The following RANGAP1 variants were observed in gnomAD, a reference collection of about 807,000 sequenced individuals.
RANGAP1 encodes the protein ran GTPase-activating protein 1.
In RANGAP1, 38 loss-of-function variants were observed where a neutral mutation model predicts 63.5. That is an observed-to-expected ratio of 0.60 (90% CI 0.46 to 0.78). The LOEUF is 0.78. Among genes scored for constraint, RANGAP1 ranks in the 30% least tolerant of loss-of-function variants. The pLI is 0.00. For synonymous variants in RANGAP1, 329 were observed against 310.5 expected (o/e 1.06, Z -0.63); for missense variants, 630 against 740.3 (o/e 0.85, Z 1.73).
chr22:41,246,603 C>A lies in RANGAP1; in HGVS notation c.1764G>T (p.Ter588TyrextTer70). The change falls in exon 16 of 16, where the codon TAG becomes TAT. Residue 588 changes from the stop codon to tyrosine (Y), a stop_lost. Transcript: ENST00000356244. ...CCAAGGGATGGGAGAGGCTTTGAGT[C>A]TAGACCTTGTACAGCGTCTGCAGCA... The part of the protein sequence containing the change: ...HSLLQTLYKV[*>Y] 6.4e-7 allele frequency: 1 copy of A among 1,568,258 alleles called. No homozygotes were observed. Among genetic ancestry groups the A allele is most frequent in the Non-Finnish European group, 8.7e-7 (1 of 1,153,478 alleles).
chr22:41,269,254 G>T (rs2034656219), intron 3 of RANGAP1, among the ~76,000 whole-genome samples: 1 of 152,056 alleles, frequency 6.6e-6, no homozygotes. Context: ...ATGATTCAAA[G>T]AAAGTATTAG....
chr22:41,269,487 C>A lies in RANGAP1; in HGVS notation c.241-1331G>T, dbSNP rs1003487492. On this transcript the variant is annotated intron_variant, in intron 3 of 15. Coordinates refer to ENST00000356244, the MANE Select transcript of RANGAP1 (RefSeq NM_002883.4). ...TGGTGGCTCACACCTGTAATCCCAG[C>A]ACCTTGGGAGGCGGAGACAGGCAGA... is the stretch of plus-strand genomic sequence containing the variant. 4.6e-5 allele frequency among the ~76,000 whole-genome samples: 7 copies of A among 152,200 alleles called. No homozygotes were observed. The South Asian group carries it at 1.0e-3, about 23-fold the overall frequency.
Position 41,264,858 on chromosome 22 carries a change from A to C in RANGAP1, c.301-15T>G. 6.3e-7 allele frequency: 1 copy of C among 1,586,544 alleles called. No individual in the cohort carries two copies. Among genetic ancestry groups the C allele is most frequent in the Non-Finnish European group, 8.6e-7 (1 of 1,158,212 alleles). On this transcript the variant is annotated splice_polypyrimidine_tract_variant and intron_variant, in intron 4 of 15. Transcript: ENST00000356244. ...CCTAGTGAGATCTGGGCACAGAGGA[A>C]GCTCGTGTCAGTTTCATAGACACCC...
At chr22:41,281,434 CAG>C (rs2035486013) in intron 1 of RANGAP1, 5 of 1,006,510 alleles carry the variant, frequency 5.0e-6, no homozygotes, top group Non-Finnish European at 5.9e-6. Context: ...CCAAAGGCTG[CAG>C]AGTCTGGCCC....
At chr22:41,299,820 C>T in the RANGAP1 span, among the ~76,000 whole-genome samples, 7 of 151,648 alleles carry the variant, frequency 4.6e-5, no homozygotes, top group Admixed American at 1.3e-4. Flanking sequence ...GGCATGATCC[C>T]GGCTCACTGC....
At chr22:41,247,063 CT>C (rs901593174) in intron 15 of RANGAP1, among the ~76,000 whole-genome samples, 14 of 149,282 alleles carry the variant, frequency 9.4e-5, no homozygotes, top group African/African-American at 2.0e-4. Flanking sequence ...TTTTCTTTTT[CT>C]TTTTTTTTTG....
At position 41,258,080 on chromosome 22, in the gene RANGAP1, G is replaced by A. The variant is rs777100066; in HGVS notation, c.642C>T (p.His214=). The A allele has an allele frequency of 3.7e-6, 6 of 1,612,192 alleles. No individual in the cohort carries two copies. The Admixed American group carries it at 8.3e-5, about 22-fold the overall frequency. ...GGTGGTTGATCCCATTCTGTGGCAT[G>A]TGGACCTCCTCCAGGGTCCCGATGA... The part of the protein sequence containing the change: ...FRVIGTLEEV[H]MPQNGINHPG... The change falls in exon 7 of 16, where the codon CAC becomes CAT. Residue 214 remains histidine (H), a synonymous_variant. Coordinates refer to ENST00000356244, the MANE Select transcript of RANGAP1 (RefSeq NM_002883.4).
At chr22:41,283,276 C>T (rs1183292604) in intron 1 of RANGAP1, among the ~76,000 whole-genome samples, 1 of 151,642 alleles carries the variant, frequency 6.6e-6, no homozygotes, top group East Asian at 1.9e-4. Context: ...TTTGGGAGAC[C>T]GAGGCAGGTG....
At chr22:41,292,176 T>A in the RANGAP1 span, among the ~76,000 whole-genome samples, 1 of 151,824 alleles carries the variant, frequency 6.6e-6, no homozygotes, top group Non-Finnish European at 1.5e-5. Flanking sequence ...AGACGGAGTT[T>A]CGCTCTCATT....
rs1477839900 is a variant in RANGAP1, at chr22:41,249,530, G to C, written c.1573-79C>G. 3.8e-6 allele frequency: 6 copies of C among 1,588,840 alleles called. No individual in the cohort carries two copies. The Admixed American group carries it at 8.5e-5, about 23-fold the overall frequency. ...CCCTGGACTCCACCATCCAGACTCT[G>C]CTGATAGTGCCCACAACTGAGTCTA... On this transcript the variant is annotated intron_variant, in intron 14 of 15. Coordinates refer to ENST00000356244, the MANE Select transcript of RANGAP1 (RefSeq NM_002883.4).
Position 41,246,642 on chromosome 22 carries a change from G to A in RANGAP1, c.1725C>T (p.Phe575=), listed in dbSNP as rs555171214. The part of the protein sequence containing the change: ...KPNSALESCS[F]ARHSLLQTLY... ...GCGTCTGCAGCAGACTGTGGCGGGC[G>A]AAGGAGCAGGATTCCAGGGCGCTGT... Residue 575 remains phenylalanine, a synonymous_variant, in exon 16 of 16, where the codon TTC becomes TTT. Coordinates refer to ENST00000356244, the MANE Select transcript of RANGAP1 (RefSeq NM_002883.4). The A allele has an allele frequency of 1.6e-5, 25 of 1,562,194 alleles. No individual in the cohort carries two copies. Among genetic ancestry groups the A allele is most frequent in the African/African-American group, 4.1e-5 (3 of 73,958 alleles).
At chr22:41,263,509 C>T (rs1457599324) in intron 5 of RANGAP1, among the ~76,000 whole-genome samples, 3 of 152,136 alleles carry the variant, frequency 2.0e-5, no homozygotes, top group African/African-American at 4.8e-5. Flanking sequence ...CTCAGCCTCC[C>T]GAATAGCTGG....
chr22:41,292,084 G>A, the RANGAP1 span, among the ~76,000 whole-genome samples: 2 of 150,836 alleles, frequency 1.3e-5, no homozygotes, highest in Admixed American at 6.6e-5. Flanking sequence ...TTACTGACAC[G>A]TGCCACCATG....
the RANGAP1 span, among the ~76,000 whole-genome samples, chr22:41,299,197 A>G: frequency 2.6e-5 from 4 of 151,762 alleles, no homozygotes; most frequent in African/African-American, 4.8e-5. Context: ...CAGTGGCACG[A>G]TCTCGGCTCA....
At chr22:41,285,351 C>T (rs1232434925) in intron 1 of RANGAP1, 2 of 316,192 alleles carry the variant, frequency 6.3e-6, no homozygotes, top group African/African-American at 2.3e-5. Context: ...AGATGCACCC[C>T]TCCACACTCA....
At chr22:41,287,993 A>G (rs1046143335), upstream of RANGAP1, among the ~76,000 whole-genome samples, 1 of 152,136 alleles carries the variant, frequency 6.6e-6, no homozygotes, top group African/African-American at 2.4e-5. Context: ...CTCTAAATAA[A>G]TAAATAAATT....
the RANGAP1 span, among the ~76,000 whole-genome samples, chr22:41,301,108 C>T: frequency 6.6e-6 from 1 of 152,102 alleles, no homozygotes; most frequent in Non-Finnish European, 1.5e-5. Flanking sequence ...ACATCCTATA[C>T]ATAAAACTCC....
chr22:41,299,362 G>T, the RANGAP1 span, among the ~76,000 whole-genome samples: 2 of 152,128 alleles, frequency 1.3e-5, no homozygotes, highest in Non-Finnish European at 2.9e-5. Flanking sequence ...TCGATCTCCT[G>T]ACCTTGTGAT....
Position 41,244,935 on chromosome 22 carries a change from C to T in RANGAP1, c.*1668G>A, listed in dbSNP as rs767167696. On this transcript the variant is annotated 3_prime_UTR_variant, in exon 16 of 16. Coordinates refer to ENST00000356244, the MANE Select transcript of RANGAP1 (RefSeq NM_002883.4). ...TATTCCACCCTTCCCCTAGCCCTGG[C>T]AACCTCTACCTTCTTGTCTCTGAAT... is the stretch of plus-strand genomic sequence containing the variant. 1.3e-5 allele frequency among the ~76,000 whole-genome samples: 2 copies of T among 152,202 alleles called. No individual in the cohort carries two copies. The highest frequency in any genetic ancestry group is 2.9e-5 in the Non-Finnish European group (2 of 68,036).
Sources: gnomAD v4.1 joint callset for allele counts (sites outside exome capture counted in the v4.1 genomes callset) on GRCh38, gnomAD v4.1.1 for gene constraint, MANE v1.5 for transcripts, NCBI Gene and HGNC (gene_info 2026-07-23, HGNC 2026-07-21) for gene names.